COX16: variants seen among roughly 807,000 people sequenced by gnomAD.
COX16 encodes cytochrome c oxidase assembly factor COX16.
COX16 carries 12 observed loss-of-function variants against 15.4 expected under a neutral mutation model. The ratio of observed to expected loss-of-function variants is 0.78; its 90% CI spans 0.50 to 1.26. The LOEUF is 1.26. Ranked by LOEUF, COX16 falls within the 50% of genes most tolerant of loss-of-function variation. COX16 has a pLI of 0.00. For missense variants in COX16, 124 were observed against 127.6 expected (o/e 0.97, Z 0.14); for synonymous variants, 46 against 41.1 (o/e 1.12, Z -0.46).
intron 1 of COX16, among the ~76,000 whole-genome samples, chr14:70,357,609 A>G (rs1298933166): frequency 6.6e-6 from 1 of 152,250 alleles, no homozygotes; most frequent in East Asian, 1.9e-4. Flanking sequence ...ATTTCTCCAA[A>G]AAGATATTCA....
At chr14:70,342,937 C>T (rs1886665428) in intron 1 of COX16, among the ~76,000 whole-genome samples, 1 of 152,134 alleles carries the variant, frequency 6.6e-6, no homozygotes, top group Non-Finnish European at 1.5e-5. Flanking sequence ...TTACCAAATA[C>T]CAAAATCGTC....
At chr14:70,359,389 C>T in intron 1 of COX16, 130 bp downstream of exon 1, 2 of 793,612 alleles carry the variant, frequency 2.5e-6, no homozygotes, top group Non-Finnish European at 4.3e-6. Context: ...AGCTCTCACC[C>T]CGTCGCTAGC....
intron 1 of COX16, among the ~76,000 whole-genome samples, chr14:70,347,822 C>G (rs1014981583): frequency 6.6e-6 from 1 of 152,160 alleles, no homozygotes; most frequent in African/African-American, 2.4e-5. Context: ...GCAAACTAAG[C>G]AAGAAATTCT....
intron 2 of COX16, among the ~76,000 whole-genome samples, chr14:70,333,698 AC>A (rs1886360272): frequency 6.6e-6 from 1 of 152,250 alleles, no homozygotes; most frequent in African/African-American, 2.4e-5. Context: ...AACTTTCTAA[AC>A]CTGGAGAAAT....
At chr14:70,357,836 A>G (rs965885482) in intron 1 of COX16, among the ~76,000 whole-genome samples, 2 of 152,234 alleles carry the variant, frequency 1.3e-5, no homozygotes, top group African/African-American at 4.8e-5. Flanking sequence ...AACATCTGGC[A>G]CATCCTAAAA....
chr14:70,344,117 C>T (rs1193335262), intron 1 of COX16, among the ~76,000 whole-genome samples: 1 of 152,190 alleles, frequency 6.6e-6, no homozygotes, highest in African/African-American at 2.4e-5. Flanking sequence ...TCAGCTGATC[C>T]ATCCAGTGCA....
At chr14:70,339,762 C>T (rs1206851153) in intron 2 of COX16, among the ~76,000 whole-genome samples, 1 of 152,198 alleles carries the variant, frequency 6.6e-6, no homozygotes, top group African/African-American at 2.4e-5. Flanking sequence ...AACACTGACT[C>T]TTGATCACCT....
In COX16 at chr14:70,359,607, C is replaced by T; in HGVS notation, c.-20G>A. 2 of 1,613,302 alleles carry T rather than the reference C, an allele frequency of 1.2e-6. No individual in the cohort carries two copies. The highest frequency in any genetic ancestry group is 2.2e-5 in the East Asian group (1 of 44,868). ...AAACATGAGTGAACTCTTCCATCGG[C>T]TCAGAACTCCAAGCGGGCCTAGCGC... is the stretch of plus-strand genomic sequence containing the variant. On this transcript the variant is annotated 5_prime_UTR_variant, in exon 1 of 4. Transcript: ENST00000389912.
chr14:70,355,583 G>C (rs573351014), intron 1 of COX16, among the ~76,000 whole-genome samples: 1 of 152,294 alleles, frequency 6.6e-6, no homozygotes, highest in South Asian at 2.1e-4. Flanking sequence ...AGGAAAGGGA[G>C]CCCAAAATAT....
Position 70,329,169 on chromosome 14 carries a change from C to A in COX16, c.204+5G>T. Reference sequence around the variant, plus strand: ...TAAGACAGAGACTATATTAACATACCGTACCTCATATTCCGACTCTAAAGA... The same window carrying A: ...TAAGACAGAGACTATATTAACATACAGTACCTCATATTCCGACTCTAAAGA... On this transcript the variant is annotated splice_donor_5th_base_variant and intron_variant, in intron 3 of 3. Coordinates refer to ENST00000389912, the MANE Select transcript of COX16 (RefSeq NM_016468.7). The A allele has an allele frequency of 6.3e-7, 1 of 1,593,142 alleles. No homozygotes were observed. Among genetic ancestry groups the A allele is most frequent in the Admixed American group, 1.7e-5 (1 of 58,234 alleles).
chr14:70,339,956 C>T (rs1163050285), intron 2 of COX16, among the ~76,000 whole-genome samples: 2 of 152,202 alleles, frequency 1.3e-5, no homozygotes, highest in Non-Finnish European at 2.9e-5. Flanking sequence ...CAATCAACCT[C>T]ATTCTCTTAA....
chr14:70,328,036 T>C (rs1886139139), intron 3 of COX16: 1 of 149,904 alleles, frequency 6.7e-6, no homozygotes, highest in Non-Finnish European at 1.5e-5. Context: ...CCAAAAGGAC[T>C]GTTCTTCAGG....
chr14:70,334,876 A>G (rs1214325630), intron 2 of COX16, among the ~76,000 whole-genome samples: 2 of 152,246 alleles, frequency 1.3e-5, no homozygotes, highest in Non-Finnish European at 2.9e-5. Flanking sequence ...GTGAATGTAA[A>G]TGGACTACAC....
chr14:70,357,109 G>A (rs1220830694), intron 1 of COX16, among the ~76,000 whole-genome samples: 2 of 120,286 alleles, frequency 1.7e-5, no homozygotes, highest in African/African-American at 3.2e-5. Flanking sequence ...TAGTTTACCT[G>A]ACATGGAGCT....
At chr14:70,338,082 C>A (rs1886511013) in intron 2 of COX16, among the ~76,000 whole-genome samples, 1 of 152,214 alleles carries the variant, frequency 6.6e-6, no homozygotes, top group Non-Finnish European at 1.5e-5. Flanking sequence ...TCATTAAAAT[C>A]TTCAAAGAAA....
rs1006707922 is a variant in COX16, at chr14:70,325,885, C to T, written c.*448G>A. 8 of 152,344 alleles carry T rather than the reference C, an allele frequency of 5.3e-5. No homozygotes were observed. The highest frequency in any genetic ancestry group is 1.9e-4 in the African/African-American group (8 of 41,512). The allele number at this position is 152,344 out of a possible 1,614,324, so 9.4% of individuals were successfully genotyped here. On this transcript the variant is annotated 3_prime_UTR_variant, in exon 4 of 4. Coordinates refer to ENST00000389912, the MANE Select transcript of COX16 (RefSeq NM_016468.7). ...GCAGACTGTGATCATTTTTCTTTCC[C>T]TAATAGATATGAGAGAAAATTACTG...
rs759505455 is a variant in COX16 at position 70,326,381 on chromosome 14, G to T, written c.273C>A (p.Asp91Glu). The T allele has an allele frequency of 1.3e-6, 2 of 1,597,264 alleles. No individual in the cohort carries two copies. Among genetic ancestry groups the T allele is most frequent in the Non-Finnish European group, 1.7e-6 (2 of 1,171,366 alleles). Reference protein sequence around the residue: ...IRGPRPWEDPDLLQGRNPESL... With the variant: ...IRGPRPWEDPELLQGRNPESL... ...TTTCTGGATTTCTTCCTTGGAGGAG[G>T]TCAGGATCTTCCCAAGGCCTGGGTC... The change falls in exon 4 of 4, where the codon GAC (aspartate) becomes GAA (glutamate). Residue 91 changes from aspartate to glutamate, a missense_variant. Transcript: ENST00000389912.
At chr14:70,328,555 A>G (rs1886168241) in intron 3 of COX16, among the ~76,000 whole-genome samples, 1 of 152,176 alleles carries the variant, frequency 6.6e-6, no homozygotes. Flanking sequence ...GAAAAGTGAT[A>G]CCTCGTTAGA....
chr14:70,343,501 A>C (rs901482603), intron 1 of COX16, among the ~76,000 whole-genome samples: 13 of 152,190 alleles, frequency 8.5e-5, no homozygotes, highest in Non-Finnish European at 1.8e-4. Flanking sequence ...TTTTGATTTT[A>C]TGATTTTTCA....
Sources: gnomAD v4.1 joint callset for allele counts (sites outside exome capture counted in the v4.1 genomes callset) on GRCh38, gnomAD v4.1.1 for gene constraint, MANE v1.5 for transcripts, NCBI Gene and HGNC (gene_info 2026-07-23, HGNC 2026-07-21) for gene names.